Variants in PCDH15 observed in about 807,000 individuals in gnomAD.
PCDH15 encodes protocadherin-15.
Under a neutral mutation model 178.5 loss-of-function variants are expected in PCDH15, and 129 were observed. The ratio of observed to expected loss-of-function variants is 0.72; its 90% CI spans 0.63 to 0.84. The LOEUF is 0.84. Ranked by LOEUF, PCDH15 falls within the 40% of genes least tolerant of loss-of-function variation. PCDH15 has a pLI of 0.00. For synonymous variants in PCDH15, 800 were observed against 732.0 expected (o/e 1.09, Z -1.50); for missense variants, 2,230 against 2,099.9 (o/e 1.06, Z -1.21).
intron 1 of PCDH15, among the ~76,000 whole-genome samples, chr10:55,313,471 C>T (rs909781946): frequency 4.6e-5 from 7 of 152,068 alleles, no homozygotes; most frequent in East Asian, 1.9e-4. Context: ...AAAGGTTACC[C>T]TTTGGGATGG....
chr10:54,802,694 T>A (rs1050167055), upstream of PCDH15, among the ~76,000 whole-genome samples: 10 of 152,224 alleles, frequency 6.6e-5, no homozygotes, highest in African/African-American at 2.4e-4. Context: ...ATGTCTCACC[T>A]GTGGAGCAAT....
chr10:55,386,134 C>A (rs1411618918), intron 2 of PCDH15, among the ~76,000 whole-genome samples: 1 of 151,782 alleles, frequency 6.6e-6, no homozygotes, highest in Non-Finnish European at 1.5e-5. Context: ...ACTAACTACA[C>A]AAGATATGTA....
intron 15 of PCDH15, among the ~76,000 whole-genome samples, chr10:54,117,976 C>G (rs911062883): frequency 6.6e-6 from 1 of 152,180 alleles, no homozygotes; most frequent in Non-Finnish European, 1.5e-5. Flanking sequence ...GCCGAACTGA[C>G]AGCTGGGCCC....
chr10:55,297,919 C>A (rs1159864102), intron 1 of PCDH15, among the ~76,000 whole-genome samples: 1 of 152,076 alleles, frequency 6.6e-6, no homozygotes, highest in African/African-American at 2.4e-5. Context: ...ACTGGAGGAT[C>A]CTTTCCTGGT....
intron 2 of PCDH15, among the ~76,000 whole-genome samples, chr10:54,632,474 T>G (rs2134717777): frequency 6.6e-6 from 1 of 152,198 alleles, no homozygotes; most frequent in African/African-American, 2.4e-5. Context: ...ATTGGCATGA[T>G]AAATGTTAAA....
intron 29 of PCDH15, among the ~76,000 whole-genome samples, chr10:53,834,895 G>C (rs543478083): frequency 2.4e-4 from 37 of 152,238 alleles, no homozygotes; most frequent in Non-Finnish European, 4.7e-4. Flanking sequence ...TAAAGGGTGA[G>C]CAGGAGATTG....
At chr10:55,273,425 A>T (rs991856146) in intron 1 of PCDH15, among the ~76,000 whole-genome samples, 1 of 152,136 alleles carries the variant, frequency 6.6e-6, no homozygotes, top group Non-Finnish European at 1.5e-5. Flanking sequence ...GTCTTAATAT[A>T]GGAGGTAATT....
At chr10:53,882,009 A>G (rs2080756552) in intron 26 of PCDH15, among the ~76,000 whole-genome samples, 1 of 141,176 alleles carries the variant, frequency 7.1e-6, no homozygotes, top group Non-Finnish European at 1.5e-5. Context: ...TTTTTTTTTA[A>G]CATGGAGTTT....
chr10:53,955,431 G>A (rs192696030), intron 23 of PCDH15, among the ~76,000 whole-genome samples: 5 of 152,248 alleles, frequency 3.3e-5, no homozygotes, highest in African/African-American at 7.2e-5. Context: ...GAACGGGGAC[G>A]TATGGGTCAA....
At chr10:54,247,457 C>G (rs934353758) in intron 8 of PCDH15, among the ~76,000 whole-genome samples, 7 of 151,968 alleles carry the variant, frequency 4.6e-5, no homozygotes, top group Non-Finnish European at 7.4e-5. Context: ...ACACACTTGC[C>G]TTGCTCTCTG....
At chr10:54,750,526 T>G (rs760818820) in intron 1 of PCDH15, among the ~76,000 whole-genome samples, 18 of 152,182 alleles carry the variant, frequency 1.2e-4, no homozygotes, top group Middle Eastern at 3.4e-3. Flanking sequence ...TACTATACAA[T>G]CTATTTTCAA....
At chr10:54,245,310 T>G (rs1211760241) in intron 8 of PCDH15, among the ~76,000 whole-genome samples, 1 of 152,184 alleles carries the variant, frequency 6.6e-6, no homozygotes, top group Non-Finnish European at 1.5e-5. Context: ...TTTTCCCAAG[T>G]GGTTTTATCA....
intron 9 of PCDH15, among the ~76,000 whole-genome samples, chr10:54,234,057 A>T (rs1231131208): frequency 6.6e-6 from 1 of 152,012 alleles, no homozygotes. Flanking sequence ...ATATATTCAG[A>T]AGTATTTGTA....
chr10:54,121,216 C>G (rs975472522), intron 15 of PCDH15, among the ~76,000 whole-genome samples: 1 of 142,048 alleles, frequency 7.0e-6, no homozygotes, highest in African/African-American at 2.8e-5. Context: ...CAATATCAAG[C>G]CAGAAACATA....
At chr10:55,491,302 C>G (rs944543384) in intron 2 of PCDH15, among the ~76,000 whole-genome samples, 2 of 151,718 alleles carry the variant, frequency 1.3e-5, no homozygotes, top group African/African-American at 2.4e-5. Flanking sequence ...GTTGCAAAAG[C>G]TTAATTCTCA....
At chr10:54,768,655 A>G (rs1435741770) in intron 1 of PCDH15, among the ~76,000 whole-genome samples, 2 of 152,188 alleles carry the variant, frequency 1.3e-5, no homozygotes, top group Non-Finnish European at 2.9e-5. Flanking sequence ...TGACTCTTAC[A>G]GCAAATTCTC....
At chr10:55,521,536 A>C (rs1841176342) in intron 2 of PCDH15, among the ~76,000 whole-genome samples, 1 of 151,988 alleles carries the variant, frequency 6.6e-6, no homozygotes, top group Admixed American at 6.6e-5. Context: ...AGATAAACTC[A>C]TCCTAAAGTG....
intron 1 of PCDH15, among the ~76,000 whole-genome samples, chr10:54,796,745 A>G (rs1004598402): frequency 3.3e-5 from 5 of 151,560 alleles, no homozygotes; most frequent in African/African-American, 1.2e-4. Context: ...TTGAGTTTGT[A>G]TCTCTGTGAA....
At chr10:53,968,682 T>C (rs866052551) in intron 21 of PCDH15, among the ~76,000 whole-genome samples, 135 of 152,238 alleles carry the variant, frequency 8.9e-4, no homozygotes, top group African/African-American at 3.2e-3. Flanking sequence ...GCAGCAACAT[T>C]TGCCATTCTG....
Sources: allele counts gnomAD v4.1 joint callset (sites outside exome capture counted in the v4.1 genomes callset), GRCh38; gene constraint gnomAD v4.1.1; transcripts MANE v1.5; gene names NCBI Gene and HGNC (gene_info 2026-07-23, HGNC 2026-07-21).